Variants in KCNIP4 observed in about 807,000 individuals in gnomAD.
The protein encoded by KCNIP4 is potassium voltage-gated channel interacting protein 4, also known as Kv channel-interacting protein 4.
Under a neutral mutation model 34.0 loss-of-function variants are expected in KCNIP4, and 12 were observed. The ratio of observed to expected loss-of-function variants is 0.35; its 90% CI spans 0.23 to 0.57. The LOEUF is 0.57. Among genes scored for constraint, KCNIP4 ranks in the 20% least tolerant of loss-of-function variants. The probability of loss-of-function intolerance (pLI) is 0.83; values close to 1 mark genes in which losing one functional copy is unlikely to be tolerated. For synonymous variants in KCNIP4, 124 were observed against 102.2 expected, an observed-to-expected ratio of 1.21 and a Z score of -1.29; for missense variants, 238 against 311.7, an observed-to-expected ratio of 0.76 and a Z score of 1.78.
chr4:21,763,660 C>T (rs1718208081), intron 1 of KCNIP4, among the ~76,000 whole-genome samples: 1 of 152,102 alleles, frequency 6.6e-6, no homozygotes, highest in Non-Finnish European at 1.5e-5. Flanking sequence ...TGAATCTCAA[C>T]TTTCTCAGCA....
intron 1 of KCNIP4, among the ~76,000 whole-genome samples, chr4:21,558,472 G>A (rs1000445343): frequency 1.8e-5 from 2 of 112,216 alleles, no homozygotes; most frequent in Admixed American, 8.4e-5. Flanking sequence ...AGCCTGGGCG[G>A]CAGAGTGAGA....
At chr4:21,931,139 T>C (rs144773101) in intron 1 of KCNIP4, among the ~76,000 whole-genome samples, 63 of 152,202 alleles carry the variant, frequency 4.1e-4, no homozygotes, top group Non-Finnish European at 8.4e-4. Context: ...CATGTCATTA[T>C]AGAACAACAT....
intron 1 of KCNIP4, among the ~76,000 whole-genome samples, chr4:21,670,388 A>G (rs1397008450): frequency 5.4e-5 from 7 of 130,020 alleles, no homozygotes; most frequent in Admixed American, 4.6e-4. Context: ...ACATGGACAC[A>G]GGAAGGGGAA....
At chr4:21,480,435 A>C (rs60294689) in intron 1 of KCNIP4, among the ~76,000 whole-genome samples, 7,377 of 152,220 alleles carry the variant, frequency 0.048, 233 homozygotes, top group African/African-American at 0.086. Context: ...CCTTAACTTG[A>C]TAAAGAGTAA....
At chr4:20,792,643 A>G (rs1712922916) in intron 3 of KCNIP4, among the ~76,000 whole-genome samples, 2 of 152,218 alleles carry the variant, frequency 1.3e-5, no homozygotes, top group South Asian at 4.1e-4. Context: ...AACATTAGAC[A>G]AAATAGATTT....
intron 3 of KCNIP4, among the ~76,000 whole-genome samples, chr4:20,827,337 G>A (rs938653299): frequency 6.6e-6 from 1 of 152,186 alleles, no homozygotes; most frequent in Non-Finnish European, 1.5e-5. Flanking sequence ...TTTCACTGAG[G>A]TCTCTCCCCT....
chr4:21,441,164 C>T (rs1474944506), intron 1 of KCNIP4, among the ~76,000 whole-genome samples: 6 of 144,848 alleles, frequency 4.1e-5, no homozygotes, highest in African/African-American at 1.3e-4. Context: ...CTTTTTGAGA[C>T]GGAGTCTTGC....
chr4:21,125,188 CTTATTTTATTTTATTTTATT>C lies in KCNIP4; in HGVS notation c.62-242499_62-242480del, dbSNP rs71189682. Among the ~76,000 whole-genome samples, 17 of 119,086 alleles carry C rather than the reference CTTATTTTATTTTATTTTATT, an allele frequency of 1.4e-4. No individual in the cohort carries two copies. The East Asian group carries it at 2.1e-3, about 14-fold the overall frequency. 78.1% of individuals were successfully genotyped at this position (119,086 alleles called of 152,430 possible). ...GAGGGCTTTTTTTATTTTATTTTGTCTTATTTTATTTTATTTTATTTTATTTTATTTTATTTTATTTTATT... is the reference window on the plus strand; with the variant it reads ...GAGGGCTTTTTTTATTTTATTTTGTCTTATTTTATTTTATTTTATTTTATT... On this transcript the variant is annotated intron_variant, in intron 1 of 8. Transcript: ENST00000382152.
chr4:20,734,600 A>C, intron 6 of KCNIP4, 28 bp downstream of exon 6: 2 of 996,678 alleles, frequency 2.0e-6, no homozygotes, highest in Non-Finnish European at 2.9e-6. Context: ...GGTCCAAATT[A>C]CTGTGATGTT....
At chr4:21,686,561 A>C (rs1490034962) in intron 1 of KCNIP4, among the ~76,000 whole-genome samples, 2 of 152,242 alleles carry the variant, frequency 1.3e-5, no homozygotes, top group East Asian at 3.8e-4. Flanking sequence ...ATTGACATTT[A>C]TACATAAATC....
intron 1 of KCNIP4, among the ~76,000 whole-genome samples, chr4:21,105,480 T>G (rs1312522995): frequency 6.6e-6 from 1 of 151,740 alleles, no homozygotes; most frequent in Middle Eastern, 3.2e-3. Flanking sequence ...GCTTATCAGC[T>G]GAAGGAGATT....
chr4:21,099,766 C>T (rs997722634), intron 1 of KCNIP4, among the ~76,000 whole-genome samples: 4 of 152,076 alleles, frequency 2.6e-5, no homozygotes, highest in Non-Finnish European at 4.4e-5. Context: ...TAAGAATGTT[C>T]ATAATTCATG....
intron 1 of KCNIP4, among the ~76,000 whole-genome samples, chr4:20,920,245 T>C (rs2149585178): frequency 6.6e-6 from 1 of 152,348 alleles, no homozygotes; most frequent in Non-Finnish European, 1.5e-5. Context: ...CGTGATTCTT[T>C]AATTCTTGTA....
intron 1 of KCNIP4, among the ~76,000 whole-genome samples, chr4:21,490,123 A>G (rs78089537): frequency 6.6e-6 from 1 of 152,232 alleles, no homozygotes; most frequent in Non-Finnish European, 1.5e-5. Flanking sequence ...TGCATTTAAT[A>G]ATTTTTATAC....
chr4:21,097,321 CT>C (rs1747549486), intron 1 of KCNIP4, among the ~76,000 whole-genome samples: 1 of 152,158 alleles, frequency 6.6e-6, no homozygotes. Context: ...TCATGTTATG[CT>C]TGGTGAAAGA....
intron 1 of KCNIP4, among the ~76,000 whole-genome samples, chr4:21,765,390 C>T (rs1247314132): frequency 6.6e-6 from 1 of 151,870 alleles, no homozygotes; most frequent in Non-Finnish European, 1.5e-5. Context: ...TGGTAAATGA[C>T]TGTGTGTGTG....
chr4:21,725,197 C>T (rs185752805), intron 1 of KCNIP4, among the ~76,000 whole-genome samples: 1 of 152,224 alleles, frequency 6.6e-6, no homozygotes, highest in Non-Finnish European at 1.5e-5. Flanking sequence ...AACACAAATC[C>T]AGAAAATCAG....
chr4:21,483,752 T>G (rs1483424240), intron 1 of KCNIP4, among the ~76,000 whole-genome samples: 2 of 151,828 alleles, frequency 1.3e-5, no homozygotes, highest in Non-Finnish European at 2.9e-5. Flanking sequence ...ATCATGCCAC[T>G]GCACTCCAGC....
intron 1 of KCNIP4, among the ~76,000 whole-genome samples, chr4:21,315,621 G>A (rs891892563): frequency 1.3e-5 from 2 of 152,038 alleles, no homozygotes; most frequent in Admixed American, 6.6e-5. Flanking sequence ...GTACCAAATC[G>A]ACATTAAATA....
Sources: allele counts gnomAD v4.1 joint callset (sites outside exome capture counted in the v4.1 genomes callset), GRCh38; gene constraint gnomAD v4.1.1; transcripts MANE v1.5; gene names NCBI Gene and HGNC (gene_info 2026-07-23, HGNC 2026-07-21).